SLC26A1: variants seen among roughly 807,000 people sequenced by gnomAD.
SLC26A1 encodes sulfate anion transporter 1.
In SLC26A1, 18 loss-of-function variants were observed where a neutral mutation model predicts 14.5. The ratio of observed to expected loss-of-function variants is 1.24; its 90% CI spans 0.86 to 1.84. The LOEUF (loss-of-function observed/expected upper bound fraction) is 1.84. SLC26A1 is among the 40% of genes most tolerant of loss of function. The probability of loss-of-function intolerance (pLI) is 0.00; values close to 1 mark genes in which losing one functional copy is unlikely to be tolerated. For synonymous variants in SLC26A1, 505 were observed against 492.0 expected, an observed-to-expected ratio of 1.03 and a Z score of -0.35; for missense variants, 1,049 against 1,020.0, an observed-to-expected ratio of 1.03 and a Z score of -0.39.
Position 989,414 on chromosome 4 carries a change from G to C in SLC26A1, c.1525C>G (p.Arg509Gly). Residue 509 changes from arginine to glycine, a missense_variant, in exon 3 of 3, where the codon CGC becomes GGC. Coordinates refer to ENST00000398516, the MANE Select transcript of SLC26A1 (RefSeq NM_022042.4). ...CCGATGCGGGCCAGCAGGGCGGTGC[G>C]TGGGCGTTGGGTGCGGCCGGCCAGG... Reference protein sequence around the residue: ...LSLAGRTQRPRTALLARIGDT... With the variant: ...LSLAGRTQRPGTALLARIGDT... The C allele has an allele frequency of 6.4e-7, 1 of 1,558,876 alleles. No individual in the cohort carries two copies. The highest frequency in any genetic ancestry group is 8.7e-7 in the Non-Finnish European group (1 of 1,151,864).
chr4:986,983 G>A (rs1713764059), downstream of SLC26A1: 3 of 507,022 alleles, frequency 5.9e-6, no homozygotes, highest in East Asian at 7.3e-5. Flanking sequence ...CCAAGGCCCC[G>A]CCCCGCGGCG....
rs751792135 is a variant in SLC26A1, at chr4:987,883, G to C, written c.*950C>G. 6.2e-7 allele frequency: 1 copy of C among 1,611,738 alleles called. No individual in the cohort carries two copies. Among genetic ancestry groups the C allele is most frequent in the East Asian group, 2.2e-5 (1 of 44,828 alleles). Reference sequence around the variant, plus strand: ...CAGCAGCTCAACCTCGCCTATGTGGGCGCCGTCCCTCACCGCGGCATCAAG... The same window carrying C: ...CAGCAGCTCAACCTCGCCTATGTGGCCGCCGTCCCTCACCGCGGCATCAAG... On this transcript the variant is annotated 3_prime_UTR_variant, in exon 3 of 3. Coordinates refer to ENST00000398516, the MANE Select transcript of SLC26A1 (RefSeq NM_022042.4).
chr4:979,647 G>T, intron 2 of SLC26A1: 1 of 1,044,278 alleles, frequency 9.6e-7, no homozygotes, highest in Non-Finnish European at 1.4e-6. Flanking sequence ...GAGGCGGGGT[G>T]GGAGCCCTTG....
Position 991,630 on chromosome 4 carries a change from C to G in SLC26A1, c.74G>C (p.Arg25Pro). Residue 25 changes from arginine (R) to proline (P), a missense_variant, in exon 2 of 3, where the codon CGG becomes CCG. Coordinates refer to ENST00000398516, the MANE Select transcript of SLC26A1 (RefSeq NM_022042.4). ...GGCCTTCAGCATCTCACGCAGACCC[C>G]GGGGTGCTGGGCGCTGCCGTCGGAC... ...VPVRRQRPAP[R>P]GLREMLKARL... 6.3e-7 allele frequency: 1 copy of G among 1,576,186 alleles called. No homozygotes were observed. Among genetic ancestry groups the G allele is most frequent in the Non-Finnish European group, 8.6e-7 (1 of 1,167,340 alleles).
chr4:988,493 C>A lies in SLC26A1; in HGVS notation c.*340G>T. The A allele has an allele frequency of 8.8e-7, 1 of 1,134,856 alleles. No individual in the cohort carries two copies. Among genetic ancestry groups the A allele is most frequent in the Non-Finnish European group, 1.1e-6 (1 of 923,798 alleles). The allele number at this position is 1,134,856 out of a possible 1,614,324, so 70.3% of individuals were successfully genotyped here. A position where few individuals can be genotyped will look rare whatever the true frequency, so the allele number is the denominator to read the frequency against. On this transcript the variant is annotated 3_prime_UTR_variant, in exon 3 of 3. Coordinates refer to ENST00000398516, the MANE Select transcript of SLC26A1 (RefSeq NM_022042.4). ...AGTCCTCTTGGCACCTTGGAGGCTG[C>A]ATGATGGCGGGGGACCCTTGTTCAA...
In SLC26A1 at chr4:988,563, A is replaced by G; in HGVS notation, c.*270T>C. 7.6e-7 allele frequency: 1 copy of G among 1,313,540 alleles called. No individual in the cohort carries two copies. The highest frequency in any genetic ancestry group is 9.7e-7 in the Non-Finnish European group (1 of 1,033,274). The allele number at this position is 1,313,540 out of a possible 1,614,324, so 81.4% of individuals were successfully genotyped here. ...CGTCAGGTCAGGCCCATCCCTCCTG[A>G]GCTGAGGGACGGTGCATTGGGGCCC... On this transcript the variant is annotated 3_prime_UTR_variant, in exon 3 of 3. Coordinates refer to ENST00000398516, the MANE Select transcript of SLC26A1 (RefSeq NM_022042.4).
At position 991,515 on chromosome 4, in the gene SLC26A1, G is replaced by C; in HGVS notation, c.189C>G (p.Tyr63Ter). The C allele has an allele frequency of 1.2e-6, 2 of 1,608,702 alleles. No individual in the cohort carries two copies. Among genetic ancestry groups the C allele is most frequent in the Non-Finnish European group, 1.7e-6 (2 of 1,177,180 alleles). Residue 63 changes from tyrosine (Y) to a stop codon, truncating the protein, a stop_gained, in exon 2 of 3, where the codon TAC becomes TAG. Coordinates refer to ENST00000398516, the MANE Select transcript of SLC26A1 (RefSeq NM_022042.4). LOFTEE classifies it high-confidence loss of function. ...CGCCTGCCAGGTACTCCCGCGGGCG[G>C]TACTGACGCAGCCAGCGCGTGGCGG... is the stretch of plus-strand genomic sequence containing the variant. ...LLPATRWLRQ[Y>*]RPREYLAGDV...
chr4:988,071 G>A lies in SLC26A1; in HGVS notation c.*762C>T. ...CCACCTCCCGCCGAAGCACCCTGTTGGGGAGAGCGTGTCCTTGCTGGCTGT... is the reference window on the plus strand; with the variant it reads ...CCACCTCCCGCCGAAGCACCCTGTTAGGGAGAGCGTGTCCTTGCTGGCTGT... On this transcript the variant is annotated 3_prime_UTR_variant, in exon 3 of 3. Transcript: ENST00000398516. The A allele has an allele frequency of 4.1e-6, 6 of 1,463,822 alleles. No homozygotes were observed. The highest frequency in any genetic ancestry group is 5.4e-6 in the Non-Finnish European group (6 of 1,106,128). The allele number at this position is 1,463,822 out of a possible 1,614,324, so 90.7% of individuals were successfully genotyped here. A position where few individuals can be genotyped will look rare whatever the true frequency, so the allele number is the denominator to read the frequency against.
chr4:980,586 CAAAA>C (rs57819047), intron 2 of SLC26A1, among the ~76,000 whole-genome samples: 1 of 50,928 alleles, frequency 2.0e-5, no homozygotes. Flanking sequence ...AACTCCATCT[CAAAA>C]AAAAAAAAAA....
In SLC26A1 at chr4:988,776, G is replaced by C; in HGVS notation, c.*57C>G. The C allele has an allele frequency of 6.8e-7, 1 of 1,466,306 alleles. No homozygotes were observed. The highest frequency in any genetic ancestry group is 9.0e-7 in the Non-Finnish European group (1 of 1,108,418). 90.8% of individuals were successfully genotyped at this position (1,466,306 alleles called of 1,614,324 possible). A position where few individuals can be genotyped will look rare whatever the true frequency, so the allele number is the denominator to read the frequency against. On this transcript the variant is annotated 3_prime_UTR_variant, in exon 3 of 3. Coordinates refer to ENST00000398516, the MANE Select transcript of SLC26A1 (RefSeq NM_022042.4). ...GGAAGGGTCTCAGCAGTGGCTTGCA[G>C]ACGTCTGCTGTGGGTCCCCAGGAGG...
rs756619696 is a variant in SLC26A1 at position 989,179 on chromosome 4, G to A, written c.1760C>T (p.Pro587Leu). ...GSETGVGEGGPAQGEDLGPVS... is the reference protein window; with the variant it reads ...GSETGVGEGGLAQGEDLGPVS... ...CGGGCCCAGGTCCTCGCCCTGGGCA[G>A]GGCCTCCCTCACCGACCCCCGTCTC... Residue 587 changes from proline to leucine, a missense_variant, in exon 3 of 3, where the codon CCT (proline) becomes CTT (leucine). Coordinates refer to ENST00000398516, the MANE Select transcript of SLC26A1 (RefSeq NM_022042.4). 20 of 1,607,580 alleles carry A rather than the reference G, an allele frequency of 1.2e-5. No individual in the cohort carries two copies. Among genetic ancestry groups the A allele is most frequent in the Non-Finnish European group, 1.6e-5 (19 of 1,176,588 alleles).
chr4:990,414 C>T, intron 2 of SLC26A1, 52 bp from the exon 3 acceptor site: 1 of 1,498,838 alleles, frequency 6.7e-7, no homozygotes, highest in Admixed American at 2.1e-5. Context: ...AGCCACCTGC[C>T]CCTCACCAGC....
In SLC26A1 at chr4:991,727, C is replaced by T. The variant is rs543330138; in HGVS notation, c.-24G>A. 137 of 1,530,680 alleles carry T rather than the reference C, an allele frequency of 9.0e-5. No homozygotes were observed. The highest frequency in any genetic ancestry group is 6.9e-4 in the Middle Eastern group (4 of 5,782). 94.8% of individuals were successfully genotyped at this position (1,530,680 alleles called of 1,614,324 possible). On this transcript the variant is annotated 5_prime_UTR_variant, in exon 2 of 3. Transcript: ENST00000398516. ...ATCCTGTTGCGTCAGGTCCCGTGGC[C>T]GACCTGCGGCCGAGAAGAGGGCATG...
downstream of SLC26A1, chr4:987,008 TGC>T: frequency 8.4e-7 from 1 of 1,189,172 alleles, no homozygotes; most frequent in South Asian, 1.3e-5. Flanking sequence ...TCACATGGGG[TGC>T]GCGCCCAGAC....
intron 1 of SLC26A1, chr4:992,292 A>C: frequency 2.3e-6 from 1 of 434,898 alleles, no homozygotes. Flanking sequence ...CCCCCATCCA[A>C]ACCATCGCCT....
chr4:979,644 G>T, intron 2 of SLC26A1: 2 of 1,075,052 alleles, frequency 1.9e-6, no homozygotes, highest in Non-Finnish European at 2.7e-6. Flanking sequence ...GCGGAGGCGG[G>T]GTGGGAGCCC....
At chr4:990,790 A>C in intron 2 of SLC26A1, 1 of 391,136 alleles carries the variant, frequency 2.6e-6, no homozygotes. Context: ...TGGGGAGGCC[A>C]TCCCCCACTC....
At chr4:982,231 C>G (rs1186906477) in intron 2 of SLC26A1, among the ~76,000 whole-genome samples, 1 of 152,238 alleles carries the variant, frequency 6.6e-6, no homozygotes, top group African/African-American at 2.4e-5. Context: ...CCTGTATGCA[C>G]TGGGTCACAG....
At chr4:991,083 G>A (rs1292980427) in intron 2 of SLC26A1, 45 bp downstream of exon 2, 7 of 1,504,556 alleles carry the variant, frequency 4.7e-6, no homozygotes, top group African/African-American at 2.8e-5. Flanking sequence ...AAACCTAAGG[G>A]GGGGTGCCCT....
Sources: allele counts gnomAD v4.1 joint callset (sites outside exome capture counted in the v4.1 genomes callset), GRCh38; gene constraint gnomAD v4.1.1; transcripts MANE v1.5; gene names NCBI Gene and HGNC (gene_info 2026-07-23, HGNC 2026-07-21).